ANK3: variants seen among roughly 807,000 people sequenced by gnomAD.
The protein encoded by ANK3 is ankyrin 3, also known as ankyrin-3.
In ANK3, 57 loss-of-function variants were observed where a neutral mutation model predicts 370.9. That is an observed-to-expected ratio of 0.15 (90% CI 0.12 to 0.19). The LOEUF is 0.19. Ranked by LOEUF, ANK3 falls within the 10% of genes least tolerant of loss-of-function variation. ANK3 has a pLI of 1.00. For synonymous variants in ANK3, 1,929 were observed against 1,946.3 expected, an observed-to-expected ratio of 0.99 and a Z score of 0.23; for missense variants, 4,439 against 5,302.1, an observed-to-expected ratio of 0.84 and a Z score of 5.06.
intron 1 of ANK3, among the ~76,000 whole-genome samples, chr10:60,715,239 G>GTGTC (rs890013324): frequency 1.3e-5 from 2 of 151,574 alleles, no homozygotes; most frequent in African/African-American, 4.8e-5. Context: ...GTGTGTGTGT[G>GTGTC]TGTGTGTATA....
At chr10:60,632,485 G>A (rs947837732) in intron 1 of ANK3, among the ~76,000 whole-genome samples, 1 of 152,064 alleles carries the variant, frequency 6.6e-6, no homozygotes, top group African/African-American at 2.4e-5. Flanking sequence ...ATGGTAGCTC[G>A]TACCTGTAAT....
chr10:60,517,264 T>G (rs147215261), intron 2 of ANK3, among the ~76,000 whole-genome samples: 25 of 152,216 alleles, frequency 1.6e-4, no homozygotes, highest in Non-Finnish European at 2.6e-4. Flanking sequence ...AGGTTTCCCA[T>G]GTTGGCCAGG....
chr10:60,634,849 C>T (rs1445763506), intron 1 of ANK3, among the ~76,000 whole-genome samples: 1 of 151,688 alleles, frequency 6.6e-6, no homozygotes, highest in South Asian at 2.1e-4. Flanking sequence ...ACACTCACCG[C>T]GAAAGTCTGC....
At chr10:60,537,488 G>C (rs1002845357) in intron 2 of ANK3, among the ~76,000 whole-genome samples, 11 of 151,812 alleles carry the variant, frequency 7.2e-5, no homozygotes, top group African/African-American at 2.4e-4. Context: ...GGATTAAGTG[G>C]TGGGATTAAG....
chr10:60,371,265 G>A (rs755131438), intron 1 of ANK3, among the ~76,000 whole-genome samples: 1 of 151,986 alleles, frequency 6.6e-6, no homozygotes, highest in East Asian at 1.9e-4. Context: ...ATGAAAAAAC[G>A]CTCCACATCA....
chr10:60,514,840 TAATAAA>T (rs1277716417), intron 2 of ANK3, among the ~76,000 whole-genome samples: 2 of 152,162 alleles, frequency 1.3e-5, no homozygotes, highest in African/African-American at 2.4e-5. Context: ...AAAAGTGATT[TAATAAA>T]AATAAACACA....
At chr10:60,393,762 A>T (rs970849945), upstream of ANK3, among the ~76,000 whole-genome samples, 2 of 152,184 alleles carry the variant, frequency 1.3e-5, no homozygotes, top group African/African-American at 4.8e-5. Flanking sequence ...TGTTGAGCTG[A>T]GTTGACACAC....
intron 2 of ANK3, among the ~76,000 whole-genome samples, chr10:60,512,846 G>A (rs1368713875): frequency 6.6e-6 from 1 of 152,140 alleles, no homozygotes; most frequent in South Asian, 2.1e-4. Context: ...GAATATAGCA[G>A]TAATGGTGGC....
intron 2 of ANK3, among the ~76,000 whole-genome samples, chr10:60,491,939 T>TA (rs1186272436): frequency 1.3e-5 from 2 of 152,202 alleles, no homozygotes; most frequent in African/African-American, 2.4e-5. Flanking sequence ...TGTCTGGTGA[T>TA]ATATACGGTC....
intron 20 of ANK3, 145 bp downstream of exon 20, chr10:60,172,755 T>A: frequency 3.2e-6 from 2 of 625,486 alleles, no homozygotes; most frequent in East Asian, 5.5e-5. Flanking sequence ...CTCAGAACAA[T>A]ATGGTTATTG....
In ANK3 at chr10:60,293,305, A is replaced by C. The variant is rs114291571; in HGVS notation, c.115-13666T>G. ...TCATTTACATACATACCCTCGGCTC[A>C]CCTTAACATTAAATAATCTCATGGT... On this transcript the variant is annotated intron_variant, in intron 1 of 43. Coordinates refer to ENST00000280772, the MANE Select transcript of ANK3 (RefSeq NM_020987.5). 4.3e-3 allele frequency among the ~76,000 whole-genome samples: 652 copies of C among 152,254 alleles called. 3 individuals are homozygous for C. Among genetic ancestry groups the C allele is most frequent in the African/African-American group, 0.015 (628 of 41,558 alleles).
At chr10:60,435,029 C>T (rs958671554) in intron 2 of ANK3, among the ~76,000 whole-genome samples, 3 of 152,032 alleles carry the variant, frequency 2.0e-5, no homozygotes, top group South Asian at 2.1e-4. Flanking sequence ...AAGAGGGTTG[C>T]GATTATCTGA....
At chr10:60,538,488 A>G (rs1463545571) in intron 2 of ANK3, among the ~76,000 whole-genome samples, 1 of 151,886 alleles carries the variant, frequency 6.6e-6, no homozygotes, top group Non-Finnish European at 1.5e-5. Context: ...TGCCTCTTAA[A>G]AGCCTACCTC....
chr10:60,124,205 T>C (rs967599945), intron 25 of ANK3, among the ~76,000 whole-genome samples: 1 of 152,194 alleles, frequency 6.6e-6, no homozygotes, highest in Non-Finnish European at 1.5e-5. Flanking sequence ...TCGCCTAGGC[T>C]CAAGTGCAGT....
intron 1 of ANK3, among the ~76,000 whole-genome samples, chr10:60,650,568 T>A (rs897909645): frequency 5.3e-5 from 8 of 152,176 alleles, no homozygotes; most frequent in African/African-American, 1.9e-4. Context: ...TATGCATAAT[T>A]GTGACAATCC....
intron 1 of ANK3, among the ~76,000 whole-genome samples, chr10:60,728,499 T>A (rs1371125633): frequency 6.6e-6 from 1 of 152,226 alleles, no homozygotes; most frequent in African/African-American, 2.4e-5. Context: ...AATTCCAATG[T>A]GAGGGAAAAA....
chr10:60,397,412 C>T (rs975061557), intron 2 of ANK3, among the ~76,000 whole-genome samples: 1 of 152,150 alleles, frequency 6.6e-6, no homozygotes, highest in Non-Finnish European at 1.5e-5. Context: ...AGTTTATAGC[C>T]TCATCCTTCT....
At chr10:60,715,402 CACAT>C (rs1432450992) in intron 1 of ANK3, among the ~76,000 whole-genome samples, 2 of 152,186 alleles carry the variant, frequency 1.3e-5, no homozygotes, top group Admixed American at 6.5e-5. Flanking sequence ...TGAAAATACA[CACAT>C]ACAGACACAC....
intron 38 of ANK3, among the ~76,000 whole-genome samples, chr10:60,065,115 G>A (rs970302773): frequency 6.6e-6 from 1 of 152,106 alleles, no homozygotes; most frequent in Non-Finnish European, 1.5e-5. Flanking sequence ...ATGACTCCAG[G>A]CCAGATCATC....
Sources: allele counts gnomAD v4.1 joint callset (sites outside exome capture counted in the v4.1 genomes callset), GRCh38; gene constraint gnomAD v4.1.1; transcripts MANE v1.5; gene names NCBI Gene and HGNC (gene_info 2026-07-23, HGNC 2026-07-21).